The following FRMPD4 variants were observed in gnomAD, a reference collection of about 807,000 sequenced individuals.
FRMPD4 encodes FERM and PDZ domain-containing protein 4.
Under a neutral mutation model 94.1 loss-of-function variants are expected in FRMPD4, and 22 were observed. That is an observed-to-expected ratio of 0.23 (90% CI 0.17 to 0.33). FRMPD4 has a LOEUF of 0.33. FRMPD4 is among the 10% of genes least tolerant of loss of function. The pLI is 1.00. For missense variants in FRMPD4, 1,111 were observed against 1,339.9 expected (o/e 0.83, Z 2.67); for synonymous variants, 631 against 548.6 (o/e 1.15, Z -2.10).
At chrX:12,367,035 T>A (rs1386892083) in intron 1 of FRMPD4, among the ~76,000 whole-genome samples, 2 of 111,499 alleles carry the variant, frequency 1.8e-5, no homozygotes, top group East Asian at 5.6e-4. Context: ...TCAGGCCAGC[T>A]CCTTGGGGGC....
Position 12,716,202 on chromosome X carries a change from G to T in FRMPD4, c.1743G>T (p.Glu581Asp). ...TAGATTCAAAGCAGAAGACGGTGGA[G>T]ATCACAGACAGCACCATGTGTCCAA... is the stretch of plus-strand genomic sequence containing the variant. ...TYIDSKQKTV[E>D]ITDSTMCPKE... Residue 581 changes from glutamate to aspartate, a missense_variant, in exon 15 of 17, where the codon GAG becomes GAT. Around this residue, in one of 8 missense-constraint regions of FRMPD4, gnomAD observed 192 missense variants for 192.5 expected, o/e 1.00. Transcript: ENST00000675598. The T allele has an allele frequency of 8.3e-7, 1 of 1,207,925 alleles. No homozygotes were observed. Among genetic ancestry groups the T allele is most frequent in the Non-Finnish European group, 1.1e-6 (1 of 892,046 alleles).
chrX:12,114,244 A>C (rs2055389698), intron 3 of FRMPD4, among the ~76,000 whole-genome samples: 1 of 111,187 alleles, frequency 9.0e-6, no homozygotes, highest in Admixed American at 9.6e-5. Context: ...ATTTTCTAGA[A>C]TATTCATCTG....
intron 3 of FRMPD4, among the ~76,000 whole-genome samples, chrX:12,040,553 CT>C (rs760980082): frequency 0.018 from 1,036 of 58,868 alleles, 4 homozygotes; most frequent in African/African-American, 0.069. Flanking sequence ...TTATGTCTGC[CT>C]TTTTTTTTTT....
chrX:12,550,576 T>C (rs1228872018), intron 2 of FRMPD4, among the ~76,000 whole-genome samples: 2 of 111,760 alleles, frequency 1.8e-5, no homozygotes, highest in East Asian at 5.5e-4. Context: ...TGTTTGCAGC[T>C]TCAATTTTGA....
chrX:12,718,178 G>C lies in FRMPD4; in HGVS notation c.3352G>C (p.Ala1118Pro). 8.3e-7 allele frequency: 1 copy of C among 1,211,034 alleles called. No individual in the cohort carries two copies. Among genetic ancestry groups the C allele is most frequent in the Admixed American group, 2.2e-5 (1 of 46,104 alleles). The change falls in exon 16 of 17, where the codon GCT becomes CCT. Residue 1118 changes from alanine (A) to proline (P), a missense_variant. Ala to Pro is a conservative substitution (Grantham distance 27, BLOSUM62 -1). Coordinates refer to ENST00000675598, the MANE Select transcript of FRMPD4 (RefSeq NM_001368397.1). ...EAATGKTFPR[A>P]SGLGAREAEG... The stretch of plus-strand genomic sequence containing the variant: ...AGCAACAGGGAAAACCTTTCCAAGA[G>C]CTTCTGGTCTTGGGGCAAGGGAGGC...
At chrX:12,583,693 C>T (rs2058892803) in intron 2 of FRMPD4, among the ~76,000 whole-genome samples, 1 of 112,982 alleles carries the variant, frequency 8.9e-6, no homozygotes, top group Non-Finnish European at 1.9e-5. Flanking sequence ...CAGCTGGTTG[C>T]CATCTCTGCC....
chrX:11,836,678 G>A (rs905085523), intron 1 of FRMPD4, among the ~76,000 whole-genome samples: 9 of 111,679 alleles, frequency 8.1e-5, no homozygotes, highest in African/African-American at 2.6e-4. Context: ...AAGCTACAGA[G>A]TTGTTTAGGG....
At chrX:12,715,975 A>C in intron 14 of FRMPD4, 94 bp from the exon 15 acceptor site, 2 of 477,626 alleles carry the variant, frequency 4.2e-6, no homozygotes, top group Non-Finnish European at 7.3e-6. Flanking sequence ...GCTACAAGCC[A>C]TTAAGTTAAA....
chrX:11,855,783 C>T (rs774382963), intron 1 of FRMPD4, among the ~76,000 whole-genome samples: 1 of 111,960 alleles, frequency 8.9e-6, no homozygotes, highest in South Asian at 3.8e-4. Flanking sequence ...CTTCAAGTTT[C>T]TAGGATGTTC....
intron 3 of FRMPD4, among the ~76,000 whole-genome samples, chrX:11,884,720 C>G (rs1459053116): frequency 2.7e-5 from 3 of 111,327 alleles, no homozygotes; most frequent in African/African-American, 9.8e-5. Context: ...TTAGTTCTAA[C>G]AGACTTAAAA....
intron 3 of FRMPD4, among the ~76,000 whole-genome samples, chrX:11,917,515 A>C (rs2054031136): frequency 8.9e-6 from 1 of 112,292 alleles, no homozygotes; most frequent in East Asian, 2.8e-4. Context: ...GGTGGACTGG[A>C]CAAAGAAAAT....
intron 3 of FRMPD4, among the ~76,000 whole-genome samples, chrX:11,907,540 T>A (rs2053974564): frequency 8.9e-6 from 1 of 112,023 alleles, no homozygotes; most frequent in Non-Finnish European, 1.9e-5. Context: ...CTCTTCCAAG[T>A]TGCAGACTGC....
At chrX:12,084,666 T>G (rs755333104) in intron 3 of FRMPD4, among the ~76,000 whole-genome samples, 1 of 112,179 alleles carries the variant, frequency 8.9e-6, no homozygotes, top group Non-Finnish European at 1.9e-5. Context: ...TTCTTGCCTC[T>G]TCTCTGTGAA....
At chrX:12,366,791 G>C (rs980180978) in intron 1 of FRMPD4, among the ~76,000 whole-genome samples, 2 of 112,064 alleles carry the variant, frequency 1.8e-5, no homozygotes, top group East Asian at 5.6e-4. Flanking sequence ...GGGCTGTGGG[G>C]CATTGAGCAG....
chrX:12,278,311 C>T (rs1189631905), intron 1 of FRMPD4, among the ~76,000 whole-genome samples: 1 of 112,071 alleles, frequency 8.9e-6, no homozygotes, highest in Non-Finnish European at 1.9e-5. Context: ...TTGATATTCA[C>T]CCATTTCAGC....
intron 1 of FRMPD4, among the ~76,000 whole-genome samples, chrX:12,438,203 G>A (rs2057091826): frequency 9.0e-6 from 1 of 110,633 alleles, no homozygotes; most frequent in Admixed American, 9.7e-5. Flanking sequence ...CACAATTTTA[G>A]TAAAGTTCTA....
chrX:12,277,115 C>A (rs7052653), intron 1 of FRMPD4, among the ~76,000 whole-genome samples: 1 of 83,772 alleles, frequency 1.2e-5, no homozygotes, highest in Non-Finnish European at 2.2e-5. Context: ...AGCGAGACTC[C>A]GTCTCAAAAA....
At chrX:12,179,615 T>C (rs1031416139) in intron 1 of FRMPD4, among the ~76,000 whole-genome samples, 4 of 111,328 alleles carry the variant, frequency 3.6e-5, no homozygotes, top group Non-Finnish European at 7.5e-5. Flanking sequence ...CCCAAAATGT[T>C]GGGTGGGAGA....
Position 12,040,642 on chromosome X carries a change from C to G in FRMPD4, c.95+162624C>G, listed in dbSNP as rs186869250. Reference sequence around the variant, plus strand: ...TGGTGTGATCTCTGCTCACTGCAACCTCAGCCTCCCAAGTAGCTGGGACTA... The same window carrying G: ...TGGTGTGATCTCTGCTCACTGCAACGTCAGCCTCCCAAGTAGCTGGGACTA... On this transcript the variant is annotated intron_variant, in intron 3 of 18. Coordinates refer to the FRMPD4 transcript ENST00000640291. 2.2e-3 allele frequency among the ~76,000 whole-genome samples: 223 copies of G among 100,826 alleles called. 1 individual carries two copies. The highest frequency in any genetic ancestry group is 7.1e-3 in the African/African-American group (193 of 27,217). The allele number at this position is 100,826 out of a possible 115,157, so 87.6% of individuals were successfully genotyped here.
Sources: allele counts gnomAD v4.1 joint callset (sites outside exome capture counted in the v4.1 genomes callset), GRCh38; gene constraint gnomAD v4.1.1; regional missense constraint gnomAD v4.1.1; transcripts MANE v1.5; gene names NCBI Gene and HGNC (gene_info 2026-07-23, HGNC 2026-07-21).